Variants in MEIS2 observed in about 807,000 individuals in gnomAD.
MEIS2 encodes the protein Meis homeobox 2, also known as homeobox protein Meis2.
A neutral mutation model predicts 58.6 loss-of-function variants in MEIS2; 9 were observed. That is an observed-to-expected ratio of 0.15 (90% CI 0.09 to 0.27). The LOEUF is 0.27. Among genes scored for constraint, MEIS2 ranks in the 10% least tolerant of loss-of-function variants. The pLI is 1.00. For synonymous variants in MEIS2, 221 were observed against 228.4 expected, an observed-to-expected ratio of 0.97 and a Z score of 0.29; for missense variants, 427 against 635.0, an observed-to-expected ratio of 0.67 and a Z score of 3.52.
intron 9 of MEIS2, among the ~76,000 whole-genome samples, chr15:36,937,795 AT>A (rs2058230080): frequency 6.6e-6 from 1 of 152,170 alleles, no homozygotes; most frequent in African/African-American, 2.4e-5. Context: ...CCATGATGTA[AT>A]TCCACACTCT....
intron 8 of MEIS2, among the ~76,000 whole-genome samples, chr15:37,022,542 C>T (rs1437219747): frequency 6.6e-6 from 1 of 152,170 alleles, no homozygotes; most frequent in Non-Finnish European, 1.5e-5. Context: ...AGCCACCACA[C>T]CAGGCCAATG....
At chr15:37,072,591 G>C (rs773820015) in intron 7 of MEIS2, among the ~76,000 whole-genome samples, 2 of 151,970 alleles carry the variant, frequency 1.3e-5, no homozygotes, top group Admixed American at 1.3e-4. Context: ...ATGCGCCTTC[G>C]CGCTGGCTGT....
chr15:37,072,875 A>G (rs1258095217), intron 7 of MEIS2, among the ~76,000 whole-genome samples: 1 of 151,830 alleles, frequency 6.6e-6, no homozygotes, highest in African/African-American at 2.4e-5. Flanking sequence ...TTTTGTGAAG[A>G]CTTCCACAGA....
At chr15:37,038,287 T>C (rs926338153) in intron 7 of MEIS2, among the ~76,000 whole-genome samples, 1 of 152,206 alleles carries the variant, frequency 6.6e-6, no homozygotes, top group African/African-American at 2.4e-5. Context: ...TTCCCAGACC[T>C]GCTCCCTCCT....
intron 7 of MEIS2, among the ~76,000 whole-genome samples, chr15:37,059,855 C>T (rs1225507299): frequency 6.6e-6 from 1 of 152,080 alleles, no homozygotes; most frequent in Non-Finnish European, 1.5e-5. Context: ...GCAAGAGAAT[C>T]GCTTGCGCCT....
chr15:36,949,159 G>A (rs1455111748), intron 9 of MEIS2, among the ~76,000 whole-genome samples: 3 of 151,338 alleles, frequency 2.0e-5, no homozygotes, highest in African/African-American at 7.3e-5. Flanking sequence ...GTCAGATAAC[G>A]GCAGTTCCTG....
At chr15:37,065,722 T>C (rs759548535) in intron 7 of MEIS2, among the ~76,000 whole-genome samples, 1 of 152,166 alleles carries the variant, frequency 6.6e-6, no homozygotes, top group African/African-American at 2.4e-5. Context: ...AAAATTGAAA[T>C]GAGCAGCTTT....
At chr15:36,963,288 G>C (rs2059248495) in intron 8 of MEIS2, among the ~76,000 whole-genome samples, 2 of 152,052 alleles carry the variant, frequency 1.3e-5, no homozygotes, top group South Asian at 4.1e-4. Context: ...GCTGAGGCAG[G>C]AGAATCGCTT....
At chr15:37,090,587 T>C (rs1191119027) in intron 6 of MEIS2, among the ~76,000 whole-genome samples, 1 of 152,198 alleles carries the variant, frequency 6.6e-6, no homozygotes. Context: ...GAAACTATAT[T>C]GGTACCTAAT....
chr15:36,942,426 C>T (rs79578870), intron 9 of MEIS2, among the ~76,000 whole-genome samples: 4 of 151,974 alleles, frequency 2.6e-5, no homozygotes, highest in Admixed American at 6.6e-5. Context: ...GCGAATTGGG[C>T]GGAATTCCTG....
rs1369699245 is a variant in MEIS2, at chr15:36,914,197, G to A, written c.978-17511C>T. Among the ~76,000 whole-genome samples the A allele has an allele frequency of 2.0e-5, 3 of 152,164 alleles. 1 individual carries two copies. The highest frequency in any genetic ancestry group is 4.4e-5 in the Non-Finnish European group (3 of 68,026). ...ATCTTTCTGAGGATGTACATGTGTG[G>A]TTATGAACTGGACAAAGGAAGATGG... On this transcript the variant is annotated intron_variant, in intron 9 of 11. Coordinates refer to ENST00000561208, the MANE Select transcript of MEIS2 (RefSeq NM_170675.5).
intron 8 of MEIS2, among the ~76,000 whole-genome samples, chr15:37,029,597 A>C (rs1397721424): frequency 6.6e-6 from 1 of 152,134 alleles, no homozygotes; most frequent in African/African-American, 2.4e-5. Flanking sequence ...GTAGCACTAC[A>C]TCTCTAACCC....
intron 10 of MEIS2, among the ~76,000 whole-genome samples, chr15:36,895,802 T>C (rs2056144897): frequency 6.6e-6 from 1 of 152,174 alleles, no homozygotes; most frequent in African/African-American, 2.4e-5. Context: ...AGTGGGAACA[T>C]ATTTTGGCGT....
intron 9 of MEIS2, among the ~76,000 whole-genome samples, chr15:36,913,323 T>C (rs2057130614): frequency 6.6e-6 from 1 of 152,194 alleles, no homozygotes; most frequent in Non-Finnish European, 1.5e-5. Context: ...TGGACACACA[T>C]TTTGGACCTG....
At chr15:37,052,416 G>C (rs1013360885) in intron 7 of MEIS2, among the ~76,000 whole-genome samples, 2 of 152,178 alleles carry the variant, frequency 1.3e-5, no homozygotes, top group Non-Finnish European at 2.9e-5. Flanking sequence ...AAAGTCACGT[G>C]GCTAGTTGGT....
At chr15:36,982,811 C>T (rs1482804789) in intron 8 of MEIS2, among the ~76,000 whole-genome samples, 1 of 152,004 alleles carries the variant, frequency 6.6e-6, no homozygotes, top group Non-Finnish European at 1.5e-5. Flanking sequence ...CTTTGTCATC[C>T]CTTAACTCTT....
At chr15:37,085,974 A>C (rs965412013) in intron 6 of MEIS2, among the ~76,000 whole-genome samples, 4 of 152,222 alleles carry the variant, frequency 2.6e-5, no homozygotes, top group Non-Finnish European at 5.9e-5. Flanking sequence ...AAAAGAAGCA[A>C]TAGCATGGTG....
intron 8 of MEIS2, among the ~76,000 whole-genome samples, chr15:36,956,030 A>G (rs970329099): frequency 4.1e-5 from 6 of 145,730 alleles, no homozygotes; most frequent in Non-Finnish European, 7.5e-5. Context: ...ACAAAAAAAA[A>G]AAAAAAAAAA....
intron 8 of MEIS2, among the ~76,000 whole-genome samples, chr15:36,998,106 C>T (rs753430168): frequency 3.3e-5 from 5 of 152,218 alleles, no homozygotes; most frequent in Non-Finnish European, 5.9e-5. Flanking sequence ...ATTTTCCTCA[C>T]GACGGGCTAT....
Sources: allele counts gnomAD v4.1 joint callset (sites outside exome capture counted in the v4.1 genomes callset), GRCh38; gene constraint gnomAD v4.1.1; transcripts MANE v1.5; gene names NCBI Gene and HGNC (gene_info 2026-07-23, HGNC 2026-07-21).